Variants in LYSMD3 observed in about 807,000 individuals in gnomAD.
LYSMD3 encodes the protein LysM domain containing 3.
A neutral mutation model predicts 26.1 loss-of-function variants in LYSMD3; 13 were observed. That is an observed-to-expected ratio of 0.50 (90% CI 0.32 to 0.79). The LOEUF is 0.79. Ranked by LOEUF, LYSMD3 falls within the 30% of genes least tolerant of loss-of-function variation. The pLI is 0.03. For synonymous variants in LYSMD3, 109 were observed against 119.4 expected (o/e 0.91, Z 0.57); for missense variants, 331 against 362.5 (o/e 0.91, Z 0.71).
rs1482846662 is a variant in LYSMD3, at chr5:90,525,097, A to G, written c.193T>C (p.Leu65=). The G allele has an allele frequency of 6.2e-7, 1 of 1,613,580 alleles. No homozygotes were observed. The highest frequency in any genetic ancestry group is 1.7e-5 in the Admixed American group (1 of 59,986). Residue 65 remains leucine (L), a synonymous_variant, in exon 2 of 3, where the codon TTA becomes CTA. Coordinates refer to ENST00000315948, the MANE Select transcript of LYSMD3 (RefSeq NM_198273.2). ...SRDRLDDIIV[L]TKDIQEGDTL... is the part of the protein sequence containing the mutation. ...TCTCCTTCTTGTATATCTTTTGTTA[A>G]TACTATAATGTCGTCAAGTCTATCT...
rs371610256 is a variant in LYSMD3, at chr5:90,525,058, T to C, written c.232A>G (p.Ile78Val). ...ACCGTACAACAGTACTGAAGGGCTA[T>C]TGCATTTAATGTATCTCCTTCTTGT... ...DIQEGDTLNAIALQYCCTVAD... is the reference protein window; with the variant it reads ...DIQEGDTLNAVALQYCCTVAD... The change falls in exon 2 of 3, where the codon ATA (isoleucine) becomes GTA (valine). Residue 78 changes from isoleucine to valine, a missense_variant. Physicochemically the swap from Ile to Val is conservative, Grantham distance 29. Around this residue, in one of 3 missense-constraint regions of LYSMD3, gnomAD observed 262 missense variants for 267.3 expected, o/e 0.98. Coordinates refer to ENST00000315948, the MANE Select transcript of LYSMD3 (RefSeq NM_198273.2). 2.6e-5 allele frequency: 42 copies of C among 1,609,342 alleles called. 1 individual carries two copies. Among genetic ancestry groups the C allele is most frequent in the African/African-American group, 1.9e-4 (14 of 74,920 alleles).
chr5:90,520,502 T>C (rs1377811540), intron 2 of LYSMD3: 2 of 456,132 alleles, frequency 4.4e-6, no homozygotes, highest in African/African-American at 4.0e-5. Context: ...ATTTTAGATA[T>C]GCTGACTTGG....
chr5:90,515,855 G>A lies in LYSMD3; in HGVS notation c.*2964C>T, dbSNP rs1752932784. On this transcript the variant is annotated 3_prime_UTR_variant, in exon 3 of 3. Coordinates refer to ENST00000315948, the MANE Select transcript of LYSMD3 (RefSeq NM_198273.2). ...TAACAGTGCAATATGCACATACGTG[G>A]AAGAAAATACTGATTACCTGAGCAA... 6.6e-6 allele frequency: 1 copy of A among 152,082 alleles called. No individual in the cohort carries two copies. 9.4% of individuals were successfully genotyped at this position (152,082 alleles called of 1,614,324 possible).
intron 2 of LYSMD3, among the ~76,000 whole-genome samples, chr5:90,524,324 A>G (rs1353536807): frequency 6.6e-6 from 1 of 152,216 alleles, no homozygotes; most frequent in Non-Finnish European, 1.5e-5. Context: ...CTAACTCCCC[A>G]AATATGTATA....
Position 90,518,623 on chromosome 5 carries a change from C to G in LYSMD3, c.*196G>C, listed in dbSNP as rs138412783. The G allele has an allele frequency of 1.0e-4, 49 of 479,296 alleles. No homozygotes were observed. Among genetic ancestry groups the G allele is most frequent in the African/African-American group, 9.2e-4 (47 of 50,872 alleles). The allele number at this position is 479,296 out of a possible 1,614,324, so 29.7% of individuals were successfully genotyped here. On this transcript the variant is annotated 3_prime_UTR_variant, in exon 3 of 3. Transcript: ENST00000315948. ...ATTTCTGCTTGAAACATTCACACAC[C>G]AGATTTATGGATCAACTGCTCTCAA...
chr5:90,523,327 T>C (rs367693117), intron 2 of LYSMD3, among the ~76,000 whole-genome samples: 25 of 152,016 alleles, frequency 1.6e-4, no homozygotes, highest in East Asian at 1.5e-3. Flanking sequence ...TTTTGATGAA[T>C]TGTGAATTGT....
In LYSMD3 at chr5:90,516,313, A is replaced by AT. The variant is rs1752945761; in HGVS notation, c.*2505dup. 1 of 152,142 alleles carries AT rather than the reference A, an allele frequency of 6.6e-6. No individual in the cohort carries two copies. Among genetic ancestry groups the AT allele is most frequent in the African/African-American group, 2.4e-5 (1 of 41,444 alleles). 9.4% of individuals were successfully genotyped at this position (152,142 alleles called of 1,614,324 possible). A position where few individuals can be genotyped will look rare whatever the true frequency, so the allele number is the denominator to read the frequency against. ...ATTTTAACCGAGACTTCATAAAACTATCAGCTTTTTGTTTACTTGCTAACT... is the reference window on the plus strand; with the variant it reads ...ATTTTAACCGAGACTTCATAAAACTATTCAGCTTTTTGTTTACTTGCTAACT... On this transcript the variant is annotated 3_prime_UTR_variant, in exon 3 of 3. Coordinates refer to ENST00000315948, the MANE Select transcript of LYSMD3 (RefSeq NM_198273.2).
Position 90,517,869 on chromosome 5 carries a change from G to A in LYSMD3, c.*950C>T, listed in dbSNP as rs1414663304. The stretch of plus-strand genomic sequence containing the variant: ...ATAGCCTATGTAACGAATCTGATTG[G>A]ACCATATGAAATAATGCTTATTTTT... On this transcript the variant is annotated 3_prime_UTR_variant, in exon 3 of 3. Transcript: ENST00000315948. The A allele has an allele frequency of 6.6e-6, 1 of 152,362 alleles. No individual in the cohort carries two copies. The highest frequency in any genetic ancestry group is 1.5e-5 in the Non-Finnish European group (1 of 67,906). 9.4% of individuals were successfully genotyped at this position (152,362 alleles called of 1,614,324 possible).
chr5:90,529,178 T>C (rs75293138), intron 1 of LYSMD3, among the ~76,000 whole-genome samples: 1,998 of 152,244 alleles, frequency 0.013, 39 homozygotes, highest in African/African-American at 0.046. Context: ...AATGCTGTGT[T>C]TGGGTGGGAA....
chr5:90,520,464 G>A (rs144945511), intron 2 of LYSMD3: 2 of 454,208 alleles, frequency 4.4e-6, no homozygotes, highest in African/African-American at 4.0e-5. Context: ...ATGGAACACT[G>A]TGGAGGGTAA....
intron 2 of LYSMD3, chr5:90,520,356 T>C (rs1753059655): frequency 2.2e-6 from 1 of 455,994 alleles, no homozygotes; most frequent in Non-Finnish European, 4.4e-6. Context: ...AACCTAATCA[T>C]GTATCACCTG....
intron 1 of LYSMD3, among the ~76,000 whole-genome samples, chr5:90,526,536 C>T (rs940724285): frequency 6.6e-6 from 1 of 152,162 alleles, no homozygotes; most frequent in South Asian, 2.1e-4. Flanking sequence ...GTTTTGGCTT[C>T]GTGTTAATTA....
chr5:90,526,084 A>G (rs550663368), intron 1 of LYSMD3, among the ~76,000 whole-genome samples: 3 of 152,364 alleles, frequency 2.0e-5, no homozygotes, highest in South Asian at 2.1e-4. Flanking sequence ...TTATATACAC[A>G]TAATACTTTC....
At chr5:90,519,619 A>G in intron 2 of LYSMD3, 135 bp from the exon 3 acceptor site, 1 of 830,188 alleles carries the variant, frequency 1.2e-6, no homozygotes, top group Non-Finnish European at 1.8e-6. Context: ...ACCCAGAGAA[A>G]TTTTAATTTT....
rs141411672 is a variant in LYSMD3 at position 90,520,990 on chromosome 5, A to T, written c.256-1506T>A. Among the ~76,000 whole-genome samples the T allele has an allele frequency of 7.2e-5, 11 of 152,266 alleles. No homozygotes were observed. The East Asian group carries it at 2.1e-3, about 29-fold the overall frequency. On this transcript the variant is annotated intron_variant, in intron 2 of 2. Coordinates refer to ENST00000315948, the MANE Select transcript of LYSMD3 (RefSeq NM_198273.2). ...GATTCACTAGAAAAAGCCTGAGAGAAAAAAGCAACAAGATCATCCCTGAAG... is the reference window on the plus strand; with the variant it reads ...GATTCACTAGAAAAAGCCTGAGAGATAAAAGCAACAAGATCATCCCTGAAG...
rs1752932989 is a variant in LYSMD3, at chr5:90,515,860, A to G, written c.*2959T>C. The G allele has an allele frequency of 6.6e-6, 1 of 152,184 alleles. No homozygotes were observed. The highest frequency in any genetic ancestry group is 1.5e-5 in the Non-Finnish European group (1 of 67,990). 9.4% of individuals were successfully genotyped at this position (152,184 alleles called of 1,614,324 possible). A position where few individuals can be genotyped will look rare whatever the true frequency, so the allele number is the denominator to read the frequency against. Reference sequence around the variant, plus strand: ...GTGCAATATGCACATACGTGGAAGAAAATACTGATTACCTGAGCAACATTT... The same window carrying G: ...GTGCAATATGCACATACGTGGAAGAGAATACTGATTACCTGAGCAACATTT... On this transcript the variant is annotated 3_prime_UTR_variant, in exon 3 of 3. Transcript: ENST00000315948.
At position 90,517,709 on chromosome 5, in the gene LYSMD3, A is replaced by ATCCC. The variant is rs1406103521; in HGVS notation, c.*1109_*1110insGGGA. 1 of 152,192 alleles carries ATCCC rather than the reference A, an allele frequency of 6.6e-6. No homozygotes were observed. Among genetic ancestry groups the ATCCC allele is most frequent in the Non-Finnish European group, 1.5e-5 (1 of 67,920 alleles). The allele number at this position is 152,192 out of a possible 1,614,324, so 9.4% of individuals were successfully genotyped here. A position where few individuals can be genotyped will look rare whatever the true frequency, so the allele number is the denominator to read the frequency against. ...AAAAACAGAGGTTAAGGGATTACTA[A>ATCCC]ATAATTTGTCTGTTACTGCTAATAT... On this transcript the variant is annotated 3_prime_UTR_variant, in exon 3 of 3. Transcript: ENST00000315948.
intron 1 of LYSMD3, 142 bp downstream of exon 1, chr5:90,529,306 T>A (rs1753301923): frequency 2.3e-6 from 1 of 428,036 alleles, no homozygotes; most frequent in South Asian, 1.6e-5. Context: ...GTCTCGGGGG[T>A]GTCCGCCACA....
intron 1 of LYSMD3, among the ~76,000 whole-genome samples, chr5:90,528,449 T>C (rs1753278482): frequency 6.6e-6 from 1 of 152,142 alleles, no homozygotes; most frequent in Non-Finnish European, 1.5e-5. Flanking sequence ...TCTATCAACC[T>C]CTCTCCACGA....
Sources: gnomAD v4.1 joint callset for allele counts (sites outside exome capture counted in the v4.1 genomes callset) on GRCh38, gnomAD v4.1.1 for gene constraint, gnomAD v4.1.1 regional missense constraint, MANE v1.5 for transcripts, NCBI Gene and HGNC (gene_info 2026-07-23, HGNC 2026-07-21) for gene names.